The following GLRA1 variants were observed in gnomAD, a reference collection of about 807,000 sequenced individuals.
The protein encoded by GLRA1 is glycine receptor subunit alpha-1.
A neutral mutation model predicts 48.3 loss-of-function variants in GLRA1; 37 were observed. The ratio of observed to expected loss-of-function variants is 0.77; its 90% CI spans 0.59 to 1.01. GLRA1 has a LOEUF of 1.01. GLRA1 is among the 50% of genes least tolerant of loss of function. The pLI is 0.00. For synonymous variants in GLRA1, 196 were observed against 210.7 expected (o/e 0.93, Z 0.60); for missense variants, 427 against 571.0 (o/e 0.75, Z 2.57).
chr5:151,881,494 T>A (rs1274660193), intron 3 of GLRA1, among the ~76,000 whole-genome samples: 1 of 21,734 alleles, frequency 4.6e-5, no homozygotes, highest in African/African-American at 2.0e-4. Flanking sequence ...GCCCTGCAAT[T>A]TTTTTTTTTT....
chr5:151,850,262 G>A (rs1752866241), intron 7 of GLRA1: 2 of 1,604,624 alleles, frequency 1.2e-6, no homozygotes, highest in Admixed American at 3.4e-5. Context: ...CTAATGCTGA[G>A]GTCATGCCTG....
chr5:151,872,103 G>A (rs1205016971), intron 3 of GLRA1, among the ~76,000 whole-genome samples: 2 of 149,650 alleles, frequency 1.3e-5, no homozygotes, highest in African/African-American at 5.1e-5. Context: ...TTTAGTTTAT[G>A]AAAAAGATAG....
intron 1 of GLRA1, among the ~76,000 whole-genome samples, chr5:151,923,959 C>T (rs549995132): frequency 2.6e-5 from 4 of 152,164 alleles, no homozygotes; most frequent in Non-Finnish European, 2.9e-5. Flanking sequence ...CCTCCCTCTT[C>T]GCAGAAAAAG....
chr5:151,895,915 A>G (rs904694825), intron 1 of GLRA1, among the ~76,000 whole-genome samples: 1 of 152,130 alleles, frequency 6.6e-6, no homozygotes, highest in South Asian at 2.1e-4. Context: ...TAGGAGTGGC[A>G]GTTACGAAGC....
chr5:151,884,167 G>A (rs564499542), intron 3 of GLRA1, among the ~76,000 whole-genome samples: 11 of 152,138 alleles, frequency 7.2e-5, no homozygotes, highest in Admixed American at 1.3e-4. Context: ...AGTGGCTCAC[G>A]TCTGTAATCC....
At chr5:151,896,955 A>G (rs907402192) in intron 1 of GLRA1, among the ~76,000 whole-genome samples, 1 of 152,218 alleles carries the variant, frequency 6.6e-6, no homozygotes, top group African/African-American at 2.4e-5. Context: ...AAGTGCAGCA[A>G]GTGTTGGACA....
intron 7 of GLRA1, among the ~76,000 whole-genome samples, chr5:151,843,256 A>AT (rs34491994): frequency 0.17 from 21,109 of 120,768 alleles, 2,402 homozygotes; most frequent in South Asian, 0.26. Context: ...CTGCTTCTAA[A>AT]TTTTTTTTTT....
intron 1 of GLRA1, among the ~76,000 whole-genome samples, chr5:151,917,678 T>G (rs146852825): frequency 5.8e-4 from 88 of 152,352 alleles, no homozygotes; most frequent in African/African-American, 2.1e-3. Context: ...TGGGAATCTG[T>G]CTTTTTGACA....
At chr5:151,844,367 A>T (rs1237293078) in intron 7 of GLRA1, among the ~76,000 whole-genome samples, 1 of 152,162 alleles carries the variant, frequency 6.6e-6, no homozygotes, top group Non-Finnish European at 1.5e-5. Context: ...CACGCCTGTA[A>T]TCCCAGCACT....
At chr5:151,895,795 C>A (rs1471218427) in intron 1 of GLRA1, among the ~76,000 whole-genome samples, 1 of 152,116 alleles carries the variant, frequency 6.6e-6, no homozygotes, top group African/African-American at 2.4e-5. Flanking sequence ...GTCCATTCAG[C>A]ACTGGACTCA....
chr5:151,910,287 T>G (rs891234637), intron 1 of GLRA1, among the ~76,000 whole-genome samples: 2 of 152,216 alleles, frequency 1.3e-5, no homozygotes, highest in African/African-American at 4.8e-5. Flanking sequence ...GCATCCTCTT[T>G]TATTAAAAAA....
chr5:151,862,847 AT>A (rs1020612927), intron 3 of GLRA1, among the ~76,000 whole-genome samples: 1 of 151,950 alleles, frequency 6.6e-6, no homozygotes, highest in Non-Finnish European at 1.5e-5. Context: ...CACCTCCCAC[AT>A]TTTTTTTGTC....
intron 7 of GLRA1, chr5:151,850,406 T>C: frequency 8.1e-7 from 1 of 1,238,556 alleles, no homozygotes; most frequent in Non-Finnish European, 1.2e-6. Flanking sequence ...AGCCCATTCC[T>C]GGGAACAGGA....
intron 1 of GLRA1, among the ~76,000 whole-genome samples, chr5:151,914,671 G>A (rs922278723): frequency 6.6e-6 from 1 of 152,152 alleles, no homozygotes; most frequent in Non-Finnish European, 1.5e-5. Context: ...TTGGTCAAAA[G>A]GCAGGTGGGA....
At chr5:151,922,152 G>A (rs1754891585) in intron 1 of GLRA1, among the ~76,000 whole-genome samples, 1 of 152,176 alleles carries the variant, frequency 6.6e-6, no homozygotes, top group Admixed American at 6.5e-5. Context: ...GAGTACCTGG[G>A]TGACTGAGAT....
intron 2 of GLRA1, among the ~76,000 whole-genome samples, chr5:151,887,412 C>T (rs1753935810): frequency 6.6e-6 from 1 of 152,236 alleles, no homozygotes; most frequent in African/African-American, 2.4e-5. Flanking sequence ...GAAGCCCAAT[C>T]TCTTCACTTT....
At chr5:151,845,266 A>G (rs1166836768) in intron 7 of GLRA1, among the ~76,000 whole-genome samples, 1 of 152,222 alleles carries the variant, frequency 6.6e-6, no homozygotes, top group Non-Finnish European at 1.5e-5. Flanking sequence ...GGAAGGGAAA[A>G]GAATCTAAAC....
At chr5:151,865,640 G>A (rs1255846371) in intron 3 of GLRA1, among the ~76,000 whole-genome samples, 2 of 152,128 alleles carry the variant, frequency 1.3e-5, no homozygotes, top group Non-Finnish European at 2.9e-5. Context: ...TATTTCAGAA[G>A]CAATGCAAGT....
In GLRA1 at chr5:151,871,856, G is replaced by A. The variant is rs903279160; in HGVS notation, c.253-11848C>T. Among the ~76,000 whole-genome samples the A allele has an allele frequency of 3.3e-5, 5 of 149,744 alleles. 1 individual carries two copies. Among genetic ancestry groups the A allele is most frequent in the African/African-American group, 5.1e-5 (2 of 39,110 alleles). On this transcript the variant is annotated intron_variant, in intron 3 of 8. Transcript: ENST00000274576. The stretch of plus-strand genomic sequence containing the variant: ...CGGGATTACAGGCGTGAACCACCGC[G>A]CCCGGCCGTGAGACGATTTTTATAG...
Sources: allele counts gnomAD v4.1 joint callset (sites outside exome capture counted in the v4.1 genomes callset), GRCh38; gene constraint gnomAD v4.1.1; transcripts MANE v1.5; gene names NCBI Gene and HGNC (gene_info 2026-07-23, HGNC 2026-07-21).